The following CNTNAP2 variants were observed in gnomAD, a reference collection of about 807,000 sequenced individuals.
CNTNAP2 encodes contactin-associated protein-like 2.
A neutral mutation model predicts 155.2 loss-of-function variants in CNTNAP2; 98 were observed. The observed-to-expected ratio is 0.63, with a 90% CI of 0.54 to 0.75. CNTNAP2 has a LOEUF of 0.75. CNTNAP2 is among the 30% of genes least tolerant of loss of function. The pLI is 0.00. For missense variants in CNTNAP2, 1,727 were observed against 1,688.1 expected (o/e 1.02, Z -0.40); for synonymous variants, 651 against 631.2 (o/e 1.03, Z -0.47).
chr7:146,851,131 C>T (rs1039700505), intron 3 of CNTNAP2, among the ~76,000 whole-genome samples: 14 of 152,054 alleles, frequency 9.2e-5, no homozygotes, highest in African/African-American at 3.4e-4. Context: ...ATTACAGGCA[C>T]CTGCCACCAC....
chr7:147,988,569 TTAGA>T, intron 15 of CNTNAP2, among the ~76,000 whole-genome samples: 1 of 151,928 alleles, frequency 6.6e-6, no homozygotes, highest in Non-Finnish European at 1.5e-5. Flanking sequence ...CCCACACCTC[TTAGA>T]TAGGAATTTG....
chr7:147,621,928 G>T (rs1371573379), intron 12 of CNTNAP2, among the ~76,000 whole-genome samples: 1 of 151,570 alleles, frequency 6.6e-6, no homozygotes, highest in African/African-American at 2.4e-5. Flanking sequence ...AAAAATAAAG[G>T]GATGGAAAAA....
intron 1 of CNTNAP2, among the ~76,000 whole-genome samples, chr7:146,470,848 A>G (rs907773163): frequency 6.6e-5 from 10 of 152,084 alleles, no homozygotes; most frequent in Non-Finnish European, 1.2e-4. Flanking sequence ...GATTACAGGC[A>G]TGAACCACCG....
intron 13 of CNTNAP2, among the ~76,000 whole-genome samples, chr7:147,790,135 C>T (rs1472787345): frequency 6.6e-6 from 1 of 152,118 alleles, no homozygotes; most frequent in African/African-American, 2.4e-5. Context: ...CTTTAGTTGT[C>T]ATGTCTGTTT....
chr7:147,885,501 A>T (rs1238429859), intron 13 of CNTNAP2, among the ~76,000 whole-genome samples: 4 of 152,086 alleles, frequency 2.6e-5, no homozygotes, highest in Non-Finnish European at 5.9e-5. Context: ...CTACAGATTC[A>T]TTCAGAACTC....
At chr7:148,412,222 G>A (rs2116721445) in intron 23 of CNTNAP2, among the ~76,000 whole-genome samples, 1 of 152,356 alleles carries the variant, frequency 6.6e-6, no homozygotes, top group African/African-American at 2.4e-5. Flanking sequence ...TTACAGGTGT[G>A]AGCCATCGCT....
intron 22 of CNTNAP2, among the ~76,000 whole-genome samples, chr7:148,385,100 T>C (rs1799161572): frequency 6.6e-6 from 1 of 152,202 alleles, no homozygotes; most frequent in Non-Finnish European, 1.5e-5. Flanking sequence ...ACATGGAGTG[T>C]GTGGCTTCAG....
intron 1 of CNTNAP2, among the ~76,000 whole-genome samples, chr7:146,643,311 G>A (rs1324101474): frequency 1.3e-5 from 2 of 151,402 alleles, no homozygotes; most frequent in Non-Finnish European, 2.9e-5. Context: ...TTTAAGTCTT[G>A]AATCCATCTT....
intron 13 of CNTNAP2, among the ~76,000 whole-genome samples, chr7:147,859,971 C>T (rs56275123): frequency 3.3e-5 from 5 of 152,042 alleles, no homozygotes; most frequent in African/African-American, 4.8e-5. Flanking sequence ...TTTAATATTT[C>T]GTATGGTTTG....
intron 1 of CNTNAP2, among the ~76,000 whole-genome samples, chr7:146,634,902 TAATA>T (rs767331701): frequency 6.4e-4 from 98 of 152,300 alleles, no homozygotes; most frequent in Non-Finnish European, 1.1e-3. Context: ...CTTTAATAAT[TAATA>T]GAGTACAGTT....
At chr7:147,857,294 T>C (rs2116679388) in intron 13 of CNTNAP2, among the ~76,000 whole-genome samples, 1 of 152,348 alleles carries the variant, frequency 6.6e-6, no homozygotes, top group African/African-American at 2.4e-5. Flanking sequence ...AAGATGTATG[T>C]TAATGTTAGT....
intron 12 of CNTNAP2, among the ~76,000 whole-genome samples, chr7:147,633,606 C>T (rs10245470): frequency 0.09 from 13,673 of 152,096 alleles, 1,706 homozygotes; most frequent in African/African-American, 0.26. Flanking sequence ...ATTATAGGTC[C>T]CATAATCCTA....
intron 13 of CNTNAP2, among the ~76,000 whole-genome samples, chr7:147,678,571 G>C (rs751678725): frequency 2.6e-5 from 4 of 151,816 alleles, no homozygotes; most frequent in Non-Finnish European, 5.9e-5. Flanking sequence ...ATTCAGGACA[G>C]GTCCAAAAAA....
intron 1 of CNTNAP2, among the ~76,000 whole-genome samples, chr7:146,242,649 G>C (rs1419659312): frequency 6.6e-6 from 1 of 151,968 alleles, no homozygotes; most frequent in Non-Finnish European, 1.5e-5. Context: ...AAACTATTCA[G>C]AAACTCTGCA....
intron 15 of CNTNAP2, among the ~76,000 whole-genome samples, chr7:148,058,897 AG>A (rs1233276750): frequency 6.6e-6 from 1 of 152,134 alleles, no homozygotes; most frequent in Non-Finnish European, 1.5e-5. Flanking sequence ...TGTGAACAAA[AG>A]GGGCACACAG....
chr7:147,262,940 C>T (rs1804524999), intron 8 of CNTNAP2, among the ~76,000 whole-genome samples: 1 of 152,208 alleles, frequency 6.6e-6, no homozygotes, highest in Non-Finnish European at 1.5e-5. Context: ...ATTGCTTAAG[C>T]ACCCAGTCTG....
intron 18 of CNTNAP2, among the ~76,000 whole-genome samples, chr7:148,214,149 T>C (rs185366302): frequency 1.3e-5 from 2 of 152,246 alleles, no homozygotes; most frequent in Non-Finnish European, 2.9e-5. Flanking sequence ...TGTGTCTACC[T>C]GATCCTGCAC....
intron 10 of CNTNAP2, among the ~76,000 whole-genome samples, chr7:147,412,038 T>C (rs1797111989): frequency 6.6e-6 from 1 of 152,184 alleles, no homozygotes. Context: ...ACAATCGACA[T>C]TTTAGGGTAT....
At chr7:146,176,942 A>G (rs1009867374) in intron 1 of CNTNAP2, among the ~76,000 whole-genome samples, 1 of 152,190 alleles carries the variant, frequency 6.6e-6, no homozygotes, top group African/African-American at 2.4e-5. Context: ...CAGGGAAGAC[A>G]AGCAGCCAGG....
Sources: gnomAD v4.1 joint callset for allele counts (sites outside exome capture counted in the v4.1 genomes callset) on GRCh38, gnomAD v4.1.1 for gene constraint, MANE v1.5 for transcripts, NCBI Gene and HGNC (gene_info 2026-07-23, HGNC 2026-07-21) for gene names.